Variants in IL17D observed in about 807,000 individuals in gnomAD.
IL17D encodes interleukin-17D.
Under a neutral mutation model 5.7 loss-of-function variants are expected in IL17D, and 10 were observed. The observed-to-expected ratio is 1.75, with a 90% confidence interval of 1.08 to 2.97. The LOEUF is 2.97. Ranked by LOEUF, IL17D falls within the 30% of genes most tolerant of loss-of-function variation. The probability of loss-of-function intolerance (pLI) is 0.00; values close to 1 mark genes in which losing one functional copy is unlikely to be tolerated. For synonymous variants in IL17D, 172 were observed against 141.7 expected (o/e 1.21, Z -1.52); for missense variants, 354 against 292.7 (o/e 1.21, Z -1.53).
chr13:20,715,300 C>T (rs1268141755), intron 1 of IL17D, among the ~76,000 whole-genome samples: 1 of 152,096 alleles, frequency 6.6e-6, no homozygotes, highest in Non-Finnish European at 1.5e-5. Context: ...TTTATAAGCT[C>T]ATTTGTGTGC....
intron 1 of IL17D, among the ~76,000 whole-genome samples, chr13:20,718,152 T>C (rs983347900): frequency 1.3e-5 from 2 of 152,074 alleles, no homozygotes; most frequent in Non-Finnish European, 2.9e-5. Flanking sequence ...CTCGGTACTG[T>C]TCTGACAGCC....
intron 1 of IL17D, chr13:20,712,514 CG>C (rs1566519216): frequency 6.6e-6 from 1 of 152,324 alleles, no homozygotes; most frequent in Non-Finnish European, 1.5e-5. Context: ...CGCTTGAACC[CG>C]GAAGGCGGAG....
intron 1 of IL17D, among the ~76,000 whole-genome samples, chr13:20,718,556 C>T (rs1323951655): frequency 7.2e-6 from 1 of 139,642 alleles, no homozygotes; most frequent in Non-Finnish European, 1.5e-5. Context: ...CTCACACACC[C>T]ACACATACCT....
intron 1 of IL17D, among the ~76,000 whole-genome samples, chr13:20,715,778 C>G (rs2058674500): frequency 6.6e-6 from 1 of 152,098 alleles, no homozygotes; most frequent in Admixed American, 6.5e-5. Context: ...GAGTTACACT[C>G]TGTCACCCAG....
chr13:20,720,730 G>A (rs1345604294), intron 1 of IL17D, among the ~76,000 whole-genome samples: 2 of 152,110 alleles, frequency 1.3e-5, no homozygotes, highest in Non-Finnish European at 2.9e-5. Flanking sequence ...TTCAAACAGT[G>A]GACTAGTGCT....
At chr13:20,717,138 C>G (rs2058684003) in intron 1 of IL17D, 1 of 152,226 alleles carries the variant, frequency 6.6e-6, no homozygotes, top group Non-Finnish European at 1.5e-5. Context: ...GAGGACTCGT[C>G]CTTTGTTCCT....
intron 1 of IL17D, among the ~76,000 whole-genome samples, chr13:20,710,628 TAAA>T (rs11445353): frequency 3.6e-5 from 2 of 55,266 alleles, no homozygotes; most frequent in Non-Finnish European, 6.1e-5. Flanking sequence ...AAACTCTGTC[TAAA>T]AAAAAAAAAA....
intron 1 of IL17D, chr13:20,712,673 TA>T (rs533898882): frequency 0.022 from 3,044 of 136,898 alleles, 87 homozygotes; most frequent in African/African-American, 0.067. Context: ...GTGCCGACGC[TA>T]AAAAAAAAAA....
rs1051154300 is a variant in IL17D, at chr13:20,704,083, C to G, written c.82C>G (p.Pro28Ala). ...GAGGGCGGGCAGGCGCCCCGCGCGG[C>G]CGCGGGGCTGCGCGGACCGGCCGGA... ...APRAGRRPARPRGCADRPEEL... is the reference protein window; with the variant it reads ...APRAGRRPARARGCADRPEEL... Residue 28 changes from proline (P) to alanine (A), a missense_variant, in exon 1 of 2, where the codon CCG becomes GCG. Coordinates refer to ENST00000682841, the MANE Select transcript of IL17D (RefSeq NM_001385224.1). 6 of 1,145,700 alleles carry G rather than the reference C, an allele frequency of 5.2e-6. No homozygotes were observed. Among genetic ancestry groups the G allele is most frequent in the South Asian group, 6.7e-5 (2 of 30,046 alleles). 71.0% of individuals were successfully genotyped at this position (1,145,700 alleles called of 1,614,324 possible). A position where few individuals can be genotyped will look rare whatever the true frequency, so the allele number is the denominator to read the frequency against.
intron 1 of IL17D, among the ~76,000 whole-genome samples, chr13:20,710,451 TAAAAA>T (rs60458842): frequency 1.2e-5 from 1 of 83,442 alleles, no homozygotes; most frequent in African/African-American, 4.7e-5. Context: ...CCATCTCTAC[TAAAAA>T]AAAAAAAAAA....
chr13:20,714,228 C>T (rs559975335), intron 1 of IL17D: 1 of 152,230 alleles, frequency 6.6e-6, no homozygotes, highest in South Asian at 2.1e-4. Flanking sequence ...CTTCCAAATT[C>T]TTTTCCAAAA....
At position 20,721,979 on chromosome 13, in the gene IL17D, C is replaced by T. The variant is rs754863154; in HGVS notation, c.*25C>T. 1 of 1,533,530 alleles carries T rather than the reference C, an allele frequency of 6.5e-7. No homozygotes were observed. The highest frequency in any genetic ancestry group is 8.7e-7 in the Non-Finnish European group (1 of 1,146,630). 95.0% of individuals were successfully genotyped at this position (1,533,530 alleles called of 1,614,324 possible). A position where few individuals can be genotyped will look rare whatever the true frequency, so the allele number is the denominator to read the frequency against. ...AGGCCGGTCCTGCCCCGGGAGGTCT[C>T]CCCGGCCCGCATCCCGAGGCGCCCA... On this transcript the variant is annotated 3_prime_UTR_variant, in exon 2 of 2. Coordinates refer to ENST00000682841, the MANE Select transcript of IL17D (RefSeq NM_001385224.1).
rs41445248 is a variant in IL17D, at chr13:20,716,717, G to A, written c.291-4919G>A. ...TTCGGATCTGGCGAGCCACGCTACC[G>A]AGGCAGGCTGTCTCCACGGACACAT... On this transcript the variant is annotated intron_variant, in intron 1 of 1. Coordinates refer to ENST00000682841, the MANE Select transcript of IL17D (RefSeq NM_001385224.1). The surrounding 1 kb of genome is among the most constrained non-coding windows in gnomAD (Gnocchi z 4.2). Among the ~76,000 whole-genome samples, 3,444 of 152,290 alleles carry A rather than the reference G, an allele frequency of 0.023. 82 individuals are homozygous for A. Among genetic ancestry groups the A allele is most frequent in the Middle Eastern group, 0.085 (25 of 294 alleles).
At chr13:20,712,473 C>G (rs1777650841) in intron 1 of IL17D, 1 of 152,302 alleles carries the variant, frequency 6.6e-6, no homozygotes, top group South Asian at 2.1e-4. Context: ...CCTGTAATCC[C>G]AGCTACTCAG....
At chr13:20,715,179 GCTGT>G (rs1454884216) in intron 1 of IL17D, among the ~76,000 whole-genome samples, 1 of 152,206 alleles carries the variant, frequency 6.6e-6, no homozygotes, top group Non-Finnish European at 1.5e-5. Context: ...CTATACCAGG[GCTGT>G]CTATTAGAAT....
Position 20,703,963 on chromosome 13 carries a change from G to A in IL17D, c.-39G>A, listed in dbSNP as rs1031119278. Reference sequence around the variant, plus strand: ...CGGGGCGCAGGCGGGCTCCTCCGGCGCGTGCGGACGCTGAGCGTGGCCTGT... The same window carrying A: ...CGGGGCGCAGGCGGGCTCCTCCGGCACGTGCGGACGCTGAGCGTGGCCTGT... On this transcript the variant is annotated 5_prime_UTR_variant, in exon 1 of 2. Transcript: ENST00000682841. 1.0e-6 allele frequency: 1 copy of A among 995,924 alleles called. No individual in the cohort carries two copies. The highest frequency in any genetic ancestry group is 1.2e-6 in the Non-Finnish European group (1 of 837,364). 61.7% of individuals were successfully genotyped at this position (995,924 alleles called of 1,614,324 possible).
Position 20,704,258 on chromosome 13 carries a change from C to T in IL17D, c.257C>T (p.Thr86Ile). 1 of 1,296,698 alleles carries T rather than the reference C, an allele frequency of 7.7e-7. No homozygotes were observed. The highest frequency in any genetic ancestry group is 9.8e-7 in the Non-Finnish European group (1 of 1,024,412). 80.3% of individuals were successfully genotyped at this position (1,296,698 alleles called of 1,614,324 possible). ...GCCGACCGCCGCTTCCGGCCGCCCA[C>T]CAACCTGCGCAGCGTGTCGCCCTGG... ...RPADRRFRPP[T>I]NLRSVSPWAY... Residue 86 changes from threonine (T) to isoleucine (I), a missense_variant, in exon 1 of 2, where the codon ACC becomes ATC. Coordinates refer to ENST00000682841, the MANE Select transcript of IL17D (RefSeq NM_001385224.1).
upstream of IL17D, chr13:20,703,539 C>T (rs1407975427): frequency 1.8e-6 from 1 of 554,482 alleles, no homozygotes; most frequent in Non-Finnish European, 2.3e-6. Context: ...GGCGCAGGGG[C>T]AAGGGTGGGT....
intron 1 of IL17D, among the ~76,000 whole-genome samples, chr13:20,709,790 C>T (rs1594997373): frequency 6.6e-6 from 1 of 152,084 alleles, no homozygotes; most frequent in Non-Finnish European, 1.5e-5. Flanking sequence ...TCTCCAACCA[C>T]GAGAAAAAAG....
Sources: gnomAD v4.1 joint callset for allele counts (sites outside exome capture counted in the v4.1 genomes callset) on GRCh38, gnomAD v4.1.1 for gene constraint, Gnocchi (gnomAD v3.1) non-coding constraint, MANE v1.5 for transcripts, NCBI Gene and HGNC (gene_info 2026-07-23, HGNC 2026-07-21) for gene names.